The following ZBTB4 variants were observed in gnomAD, a reference collection of about 807,000 sequenced individuals.
ZBTB4 encodes zinc finger and BTB domain-containing protein 4.
A neutral mutation model predicts 59.8 loss-of-function variants in ZBTB4; 14 were observed. The observed-to-expected ratio is 0.23, with a 90% CI of 0.15 to 0.37. ZBTB4 has a LOEUF of 0.37. Among genes scored for constraint, ZBTB4 ranks in the 10% least tolerant of loss-of-function variants. The pLI is 1.00. For synonymous variants in ZBTB4, 587 were observed against 575.2 expected (o/e 1.02, Z -0.29); for missense variants, 1,198 against 1,380.8 (o/e 0.87, Z 2.10).
chr17:7,471,998 G>A (rs1414682482), intron 1 of ZBTB4, among the ~76,000 whole-genome samples: 2 of 152,058 alleles, frequency 1.3e-5, no homozygotes, highest in Non-Finnish European at 2.9e-5. Context: ...CACCAGAGAC[G>A]CCCTACATCT....
chr17:7,476,894 C>CCA (rs1243464588), intron 1 of ZBTB4, among the ~76,000 whole-genome samples: 2 of 152,174 alleles, frequency 1.3e-5, no homozygotes, highest in East Asian at 3.9e-4. Flanking sequence ...ACTGAATGTT[C>CCA]CAGAAGGCAG....
At chr17:7,467,401 G>C (rs976992637) in intron 1 of ZBTB4, 74 bp from the exon 2 acceptor site, 3 of 353,506 alleles carry the variant, frequency 8.5e-6, no homozygotes, top group Non-Finnish European at 1.2e-5. Flanking sequence ...AGGGAAGTGA[G>C]AGGAAAAGCC....
Position 7,462,316 on chromosome 17 carries a change from C to T in ZBTB4, c.2666G>A (p.Gly889Asp). ...CCCTTCACTCCCAGATTTTCCCCTG[C>T]CACCGCCAGGTTCCCGGCCGCCCCC... ...LIGGGREPGG[G>D]RGKSGSEGPV... Residue 889 changes from glycine to aspartate, a missense_variant, in exon 4 of 4, where the codon GGC (glycine) becomes GAC (aspartate). Physicochemically the swap from Gly to Asp is moderately conservative, Grantham distance 94. This residue lies in a region of ZBTB4 where 211 missense variants were observed against 236.1 expected (regional missense o/e 0.89). Transcript: ENST00000380599. This position sits in a 1 kb window ranked among gnomAD's most constrained non-coding sequence, Gnocchi z 7.5. The T allele has an allele frequency of 6.8e-6, 11 of 1,613,888 alleles. No homozygotes were observed. The highest frequency in any genetic ancestry group is 9.3e-6 in the Non-Finnish European group (11 of 1,179,928).
chr17:7,471,476 C>T (rs2070196283), intron 1 of ZBTB4, among the ~76,000 whole-genome samples: 1 of 152,126 alleles, frequency 6.6e-6, no homozygotes, highest in South Asian at 2.1e-4. Flanking sequence ...TCAAAATGGC[C>T]AGTGAGACAA....
At chr17:7,463,976 C>T (rs1385113383) in intron 3 of ZBTB4, 86 bp from the exon 4 acceptor site, 9 of 1,515,858 alleles carry the variant, frequency 5.9e-6, no homozygotes, top group Non-Finnish European at 7.0e-6. Context: ...CTACACCCTG[C>T]ACTCAAACCT....
chr17:7,467,804 G>T (rs2070148184), intron 1 of ZBTB4, among the ~76,000 whole-genome samples: 1 of 152,218 alleles, frequency 6.6e-6, no homozygotes, highest in Non-Finnish European at 1.5e-5. Context: ...TAAGCTGGTA[G>T]ATATTCAAAT....
In ZBTB4 at chr17:7,462,033, T is replaced by C. The variant is rs955261106; in HGVS notation, c.2949A>G (p.Thr983=). The change falls in exon 4 of 4, where the codon ACA becomes ACG. Residue 983 remains threonine (T), a synonymous_variant. Coordinates refer to ENST00000380599, the MANE Select transcript of ZBTB4 (RefSeq NM_001128833.2). This position sits in a 1 kb window ranked among gnomAD's most constrained non-coding sequence, Gnocchi z 7.5. ...GTGGAGGAAGAGTTGGGGGAGGTGGTGTTGGTGGGGCAGGGGGTGCTGCTT... is the reference window on the plus strand; with the variant it reads ...GTGGAGGAAGAGTTGGGGGAGGTGGCGTTGGTGGGGCAGGGGGTGCTGCTT... The part of the protein sequence containing the change: ...NPQAAPPAPP[T]PPPPTLPPPI... 1 of 1,601,928 alleles carries C rather than the reference T, an allele frequency of 6.2e-7. No individual in the cohort carries two copies.
At position 7,466,603 on chromosome 17, in the gene ZBTB4, G is replaced by T; in HGVS notation, c.199C>A (p.Leu67Ile). 1.9e-6 allele frequency: 3 copies of T among 1,613,662 alleles called. No homozygotes were observed. The highest frequency in any genetic ancestry group is 2.5e-6 in the Non-Finnish European group (3 of 1,179,746). ...EALLTSAPLPLPPATGGAAPN... is the reference protein window; with the variant it reads ...EALLTSAPLPIPPATGGAAPN... ...GCGGCGCCCCCAGTAGCTGGTGGAA[G>T]GGGTAGTGGGGCTGAAGTGAGCAGG... Residue 67 changes from leucine (L) to isoleucine (I), a missense_variant, in exon 3 of 4, where the codon CTT becomes ATT. Leu to Ile is a conservative substitution (Grantham distance 5). Around this residue, in one of 9 missense-constraint regions of ZBTB4, gnomAD observed 83 missense variants for 76.5 expected, o/e 1.09. Coordinates refer to ENST00000380599, the MANE Select transcript of ZBTB4 (RefSeq NM_001128833.2). This position sits in a 1 kb window ranked among gnomAD's most constrained non-coding sequence, Gnocchi z 9.1.
chr17:7,465,948 G>C lies in ZBTB4; in HGVS notation c.854C>G (p.Ala285Gly). 1 of 1,605,332 alleles carries C rather than the reference G, an allele frequency of 6.2e-7. No homozygotes were observed. Among genetic ancestry groups the C allele is most frequent in the Non-Finnish European group, 8.5e-7 (1 of 1,174,256 alleles). Residue 285 changes from alanine to glycine, a missense_variant, in exon 3 of 4, where the codon GCC (alanine) becomes GGC (glycine). Physicochemically the swap from Ala to Gly is moderately conservative, Grantham distance 60 (BLOSUM62 0). Coordinates refer to ENST00000380599, the MANE Select transcript of ZBTB4 (RefSeq NM_001128833.2). ...PGGPAGVDASALPPPVGFRGG... is the reference protein window; with the variant it reads ...PGGPAGVDASGLPPPVGFRGG... ...TCGGAAGCCCACTGGTGGAGGCAGG[G>C]CTGAGGCGTCCACCCCTGCAGGACC... is the stretch of plus-strand genomic sequence containing the variant.
intron 1 of ZBTB4, among the ~76,000 whole-genome samples, chr17:7,472,135 T>C (rs1309283668): frequency 1.3e-5 from 2 of 152,040 alleles, no homozygotes; most frequent in Non-Finnish European, 1.5e-5. Flanking sequence ...CCCCACCTTC[T>C]AAAACTTCCT....
At position 7,465,924 on chromosome 17, in the gene ZBTB4, C is replaced by G; in HGVS notation, c.878G>C (p.Arg293Pro). 1 of 1,610,008 alleles carries G rather than the reference C, an allele frequency of 6.2e-7. No homozygotes were observed. The highest frequency in any genetic ancestry group is 8.5e-7 in the Non-Finnish European group (1 of 1,177,292). ...ASALPPPVGF[R>P]GGPEHVVKVV... ...CTTCACCACGTGCTCGGGGCCCCCT[C>G]GGAAGCCCACTGGTGGAGGCAGGGC... The change falls in exon 3 of 4, where the codon CGA becomes CCA. Residue 293 changes from arginine to proline, a missense_variant. Around this residue, in one of 9 missense-constraint regions of ZBTB4, gnomAD observed 204 missense variants for 205.5 expected, o/e 0.99. Coordinates refer to ENST00000380599, the MANE Select transcript of ZBTB4 (RefSeq NM_001128833.2).
chr17:7,465,791 G>A lies in ZBTB4; in HGVS notation c.1011C>T (p.Tyr337=). Residue 337 remains tyrosine, a synonymous_variant, in exon 3 of 4, where the codon TAC becomes TAT. Transcript: ENST00000380599. The part of the protein sequence containing the change: ...HSNVHSWRRK[Y]PCRYCEKVFA... ...ACACTTTCTCACAATAGCGGCAGGG[G>A]TACTTCCTCCGCCACGAGTGTACAT... 1 of 1,614,228 alleles carries A rather than the reference G, an allele frequency of 6.2e-7. No individual in the cohort carries two copies. The highest frequency in any genetic ancestry group is 8.5e-7 in the Non-Finnish European group (1 of 1,180,046).
intron 3 of ZBTB4, among the ~76,000 whole-genome samples, chr17:7,465,118 T>C (rs1388819614): frequency 7.2e-6 from 1 of 138,504 alleles, no homozygotes; most frequent in Non-Finnish European, 1.5e-5. Context: ...ATCACGCCAC[T>C]GCACTCCAGC....
At chr17:7,479,686 C>A (rs1024368159), upstream of ZBTB4, 2 of 150,310 alleles carry the variant, frequency 1.3e-5, no homozygotes, top group Admixed American at 6.7e-5. Flanking sequence ...CAGTCCCCCC[C>A]CAGCGCCGCC....
chr17:7,475,968 G>A (rs570219956), intron 1 of ZBTB4, among the ~76,000 whole-genome samples: 25 of 152,298 alleles, frequency 1.6e-4, no homozygotes, highest in Non-Finnish European at 3.2e-4. Flanking sequence ...AGTGCTAAAT[G>A]TGTCATGTCT....
Position 7,462,019 on chromosome 17 carries a change from G to T in ZBTB4, c.2963C>A (p.Thr988Asn), listed in dbSNP as rs2070027626. 6.2e-7 allele frequency: 1 copy of T among 1,603,550 alleles called. No homozygotes were observed. Among genetic ancestry groups the T allele is most frequent in the African/African-American group, 1.3e-5 (1 of 74,722 alleles). ...PPAPPTPPPP[T>N]LPPPIPPKGE... ...CTTAGGGGGAATTGGTGGAGGAAGA[G>T]TTGGGGGAGGTGGTGTTGGTGGGGC... is the stretch of plus-strand genomic sequence containing the variant. Residue 988 changes from threonine (T) to asparagine (N), a missense_variant, in exon 4 of 4, where the codon ACT becomes AAT. Physicochemically the swap from Thr to Asn is moderately conservative, Grantham distance 65. Around this residue, in one of 9 missense-constraint regions of ZBTB4, gnomAD observed 211 missense variants for 236.1 expected, o/e 0.89. Coordinates refer to ENST00000380599, the MANE Select transcript of ZBTB4 (RefSeq NM_001128833.2). The surrounding 1 kb of genome is among the most constrained non-coding windows in gnomAD (Gnocchi z 7.5).
rs1413833869 is a variant in ZBTB4, at chr17:7,463,682, C to T, written c.1300G>A (p.Ala434Thr). Residue 434 changes from alanine (A) to threonine (T), a missense_variant, in exon 4 of 4, where the codon GCC becomes ACC. Ala to Thr is a moderately conservative substitution (Grantham distance 58, BLOSUM62 0). Around this residue, in one of 9 missense-constraint regions of ZBTB4, gnomAD observed 550 missense variants for 541.8 expected, o/e 1.02. Transcript: ENST00000380599. ...KRPYKTYSQG[A>T]PEAPLSPTLN... ...GTTGGAGAAAGGGGAGCCTCCGGGG[C>T]TCCCTGGCTGTAGGTCTTGTAGGGC... is the stretch of plus-strand genomic sequence containing the variant. The T allele has an allele frequency of 3.1e-6, 5 of 1,613,662 alleles. No individual in the cohort carries two copies. Among genetic ancestry groups the T allele is most frequent in the South Asian group, 2.2e-5 (2 of 91,092 alleles).
rs1279408209 is a variant in ZBTB4, at chr17:7,463,744, T to C, written c.1238A>G (p.Lys413Arg). Reference sequence around the variant, plus strand: ...CCGCATGGGGAGCAGGCGGTAGAGCTTGAGTGTATTGAGCTTGGGCTTGTA... The same window carrying C: ...CCGCATGGGGAGCAGGCGGTAGAGCCTGAGTGTATTGAGCTTGGGCTTGTA... ...GGYKPKLNTLKLYRLLPMRAA... is the reference protein window; with the variant it reads ...GGYKPKLNTLRLYRLLPMRAA... Residue 413 changes from lysine (K) to arginine (R), a missense_variant, in exon 4 of 4, where the codon AAG (lysine) becomes AGG (arginine). By Grantham distance (26) the Lys-to-Arg change is conservative (BLOSUM62 2). Coordinates refer to ENST00000380599, the MANE Select transcript of ZBTB4 (RefSeq NM_001128833.2). 4 of 1,614,030 alleles carry C rather than the reference T, an allele frequency of 2.5e-6. No homozygotes were observed. The highest frequency in any genetic ancestry group is 1.7e-5 in the Admixed American group (1 of 60,030).
upstream of ZBTB4, chr17:7,482,097 A>G (rs750515930): frequency 3.7e-6 from 6 of 1,614,116 alleles, no homozygotes; most frequent in South Asian, 2.2e-5. Context: ...GATGCCACCA[A>G]TGGCCTGCTG....
Sources: allele counts gnomAD v4.1 joint callset (sites outside exome capture counted in the v4.1 genomes callset), GRCh38; gene constraint gnomAD v4.1.1; regional missense constraint gnomAD v4.1.1; non-coding constraint Gnocchi (gnomAD v3.1); transcripts MANE v1.5; gene names NCBI Gene and HGNC (gene_info 2026-07-23, HGNC 2026-07-21).